The following SOX7 variants were observed in gnomAD, a reference collection of about 807,000 sequenced individuals.
SOX7 encodes the protein transcription factor SOX-7.
SOX7 carries 19 observed loss-of-function variants against 24.9 expected under a neutral mutation model. The ratio of observed to expected loss-of-function variants is 0.76; its 90% CI spans 0.53 to 1.12. SOX7 has a LOEUF of 1.12. Among genes scored for constraint, SOX7 ranks in the 50% most tolerant of loss-of-function variants. The pLI, the probability that SOX7 is intolerant of heterozygous loss-of-function variation, is 0.00. For missense variants in SOX7, 702 were observed against 535.0 expected (o/e 1.31, Z -3.08); for synonymous variants, 327 against 244.5 (o/e 1.34, Z -3.15).
intron 1 of SOX7, among the ~76,000 whole-genome samples, chr8:10,728,164 G>A (rs957042666): frequency 6.6e-6 from 1 of 152,206 alleles, no homozygotes; most frequent in Non-Finnish European, 1.5e-5. Flanking sequence ...TACTCTGTCT[G>A]TGGTCTCAAT....
chr8:10,729,755 G>C (rs6996056), intron 1 of SOX7: 80,172 of 152,548 alleles, frequency 0.53, 21,230 homozygotes, highest in Admixed American at 0.55. Context: ...CTTCCTCTGA[G>C]ATGGCCCAAT....
Position 10,726,586 on chromosome 8 carries a change from G to T in SOX7, c.319C>A (p.Gln107Lys). Residue 107 changes from glutamine to lysine, a missense_variant, in exon 2 of 2, where the codon CAG becomes AAG. Coordinates refer to ENST00000304501, the MANE Select transcript of SOX7 (RefSeq NM_031439.4). The stretch of plus-strand genomic sequence containing the variant: ...CGGTACTTGTAGTTGGGGTAGTCCT[G>T]CATGTGCTGCAGGCGCAGCCGCTCC... ...EAERLRLQHM[Q>K]DYPNYKYRPR... 6.2e-7 allele frequency: 1 copy of T among 1,610,432 alleles called. No individual in the cohort carries two copies. Among genetic ancestry groups the T allele is most frequent in the Non-Finnish European group, 8.5e-7 (1 of 1,179,854 alleles).
chr8:10,730,184 G>A lies in SOX7; in HGVS notation c.238+12C>T, dbSNP rs1446539990. The A allele has an allele frequency of 4.2e-6, 6 of 1,434,560 alleles. No homozygotes were observed. The highest frequency in any genetic ancestry group is 5.5e-6 in the Non-Finnish European group (6 of 1,081,334). The allele number at this position is 1,434,560 out of a possible 1,614,324, so 88.9% of individuals were successfully genotyped here. A position where few individuals can be genotyped will look rare whatever the true frequency, so the allele number is the denominator to read the frequency against. On this transcript the variant is annotated intron_variant, in intron 1 of 1. Transcript: ENST00000304501. The surrounding 1 kb of genome is among the most constrained non-coding windows in gnomAD (Gnocchi z 4.8). ...CCCGGCCCCCAGCCCGCTCGGCCGCGCGCTCACTCACCCAGCATCTTGCTG... is the reference window on the plus strand; with the variant it reads ...CCCGGCCCCCAGCCCGCTCGGCCGCACGCTCACTCACCCAGCATCTTGCTG...
chr8:10,728,506 C>T (rs966067657), intron 1 of SOX7, among the ~76,000 whole-genome samples: 6 of 152,226 alleles, frequency 3.9e-5, no homozygotes, highest in African/African-American at 2.4e-5. Flanking sequence ...ACCAGTGTTG[C>T]GGTTTCCCTC....
Position 10,725,662 on chromosome 8 carries a change from G to T in SOX7, c.*76C>A. The T allele has an allele frequency of 6.6e-7, 1 of 1,508,160 alleles. No individual in the cohort carries two copies. The highest frequency in any genetic ancestry group is 9.1e-7 in the Non-Finnish European group (1 of 1,097,456). The allele number at this position is 1,508,160 out of a possible 1,614,324, so 93.4% of individuals were successfully genotyped here. A position where few individuals can be genotyped will look rare whatever the true frequency, so the allele number is the denominator to read the frequency against. On this transcript the variant is annotated 3_prime_UTR_variant, in exon 2 of 2. Coordinates refer to ENST00000304501, the MANE Select transcript of SOX7 (RefSeq NM_031439.4). Reference sequence around the variant, plus strand: ...GAGCGGTGGGAGGAAAGCTGGTGTGGCTGGACGGCTCCTCTGCCACTCAAG... The same window carrying T: ...GAGCGGTGGGAGGAAAGCTGGTGTGTCTGGACGGCTCCTCTGCCACTCAAG...
rs768027133 is a variant in SOX7, at chr8:10,730,331, G to C, written c.103C>G (p.Pro35Ala). The change falls in exon 1 of 2, where the codon CCC becomes GCC. Residue 35 changes from proline to alanine, a missense_variant. Physicochemically the swap from Pro to Ala is conservative, Grantham distance 27. Transcript: ENST00000304501. This position sits in a 1 kb window ranked among gnomAD's most constrained non-coding sequence, Gnocchi z 4.8. ...CTCTCGGAGCCCTTGTCCCCCGGGG[G>C]CCGGGGGACGGCCGGCGGCGATTGT... Reference protein sequence around the residue: ...DGQSPPAVPRPPGDKGSESRI... With the variant: ...DGQSPPAVPRAPGDKGSESRI... 6.4e-7 allele frequency: 1 copy of C among 1,568,266 alleles called. No individual in the cohort carries two copies. The highest frequency in any genetic ancestry group is 2.5e-5 in the East Asian group (1 of 40,174).
chr8:10,725,878 C>G lies in SOX7; in HGVS notation c.1027G>C (p.Asp343His), dbSNP rs1401705954. 1.2e-6 allele frequency: 2 copies of G among 1,614,212 alleles called. No homozygotes were observed. Among genetic ancestry groups the G allele is most frequent in the Admixed American group, 3.3e-5 (2 of 60,028 alleles). Residue 343 changes from aspartate to histidine, a missense_variant, in exon 2 of 2, where the codon GAC becomes CAC. Physicochemically the swap from Asp to His is moderately conservative, Grantham distance 81. Coordinates refer to ENST00000304501, the MANE Select transcript of SOX7 (RefSeq NM_031439.4). ...AGGGCCATGGCCCCTGTGGCGGAGT[C>G]TGGGTGGCCAGGAGTGTTCAAATAC... ...DQYLNTPGHPDSATGAMALSG... is the reference protein window; with the variant it reads ...DQYLNTPGHPHSATGAMALSG...
chr8:10,728,394 C>T (rs1800195983), intron 1 of SOX7, among the ~76,000 whole-genome samples: 1 of 152,172 alleles, frequency 6.6e-6, no homozygotes, highest in South Asian at 2.1e-4. Flanking sequence ...CTTTTCCTCT[C>T]AGGTCAGAAA....
rs938216170 is a variant in SOX7, at chr8:10,724,003, T to A, written c.*1735A>T. ...AAAGTAATAGCATAAAGAGTAATCA[T>A]ACCTTATAAGTGATTTTACAATAGG... On this transcript the variant is annotated 3_prime_UTR_variant, in exon 2 of 2. Transcript: ENST00000304501. 28 of 152,438 alleles carry A rather than the reference T, an allele frequency of 1.8e-4. No individual in the cohort carries two copies. The highest frequency in any genetic ancestry group is 6.8e-4 in the African/African-American group (28 of 41,458). 9.4% of individuals were successfully genotyped at this position (152,438 alleles called of 1,614,324 possible). A position where few individuals can be genotyped will look rare whatever the true frequency, so the allele number is the denominator to read the frequency against.
In SOX7 at chr8:10,726,570, T is replaced by C; in HGVS notation, c.335A>G (p.Tyr112Cys). The stretch of plus-strand genomic sequence containing the variant: ...CTTCTTCCTGCGCGGCCGGTACTTG[T>C]AGTTGGGGTAGTCCTGCATGTGCTG... Reference protein sequence around the residue: ...RLQHMQDYPNYKYRPRRKKQA... With the variant: ...RLQHMQDYPNCKYRPRRKKQA... Residue 112 changes from tyrosine to cysteine, a missense_variant, in exon 2 of 2, where the codon TAC becomes TGC. Transcript: ENST00000304501. 3 of 1,611,456 alleles carry C rather than the reference T, an allele frequency of 1.9e-6. No homozygotes were observed. The highest frequency in any genetic ancestry group is 2.5e-6 in the Non-Finnish European group (3 of 1,179,944).
chr8:10,729,319 G>A (rs1259724247), intron 1 of SOX7: 1 of 152,292 alleles, frequency 6.6e-6, no homozygotes, highest in Non-Finnish European at 1.5e-5. Context: ...GTCTCCCGCT[G>A]CGTGCACCAA....
intron 1 of SOX7, among the ~76,000 whole-genome samples, chr8:10,727,361 C>A (rs956163099): frequency 1.3e-5 from 2 of 152,310 alleles, no homozygotes; most frequent in South Asian, 2.1e-4. Context: ...CATATACATG[C>A]AAACCGTCAC....
chr8:10,727,073 T>G (rs76670142), intron 1 of SOX7, among the ~76,000 whole-genome samples: 2,323 of 152,322 alleles, frequency 0.015, 76 homozygotes, highest in African/African-American at 0.052. Context: ...AACATTTGTG[T>G]ATTCTCATGA....
intron 1 of SOX7, among the ~76,000 whole-genome samples, chr8:10,727,865 A>C (rs1280638385): frequency 6.6e-6 from 1 of 152,248 alleles, no homozygotes; most frequent in Non-Finnish European, 1.5e-5. Flanking sequence ...CACATTCTGC[A>C]CAGGGCCAGG....
Position 10,723,878 on chromosome 8 carries a change from G to A in SOX7, c.*1860C>T, listed in dbSNP as rs148130966. On this transcript the variant is annotated 3_prime_UTR_variant, in exon 2 of 2. Coordinates refer to ENST00000304501, the MANE Select transcript of SOX7 (RefSeq NM_031439.4). Reference sequence around the variant, plus strand: ...AAAAAACGAAACAGTTTAGCTTAATGTCTGTGATACTGTTTTATGAGATTA... The same window carrying A: ...AAAAAACGAAACAGTTTAGCTTAATATCTGTGATACTGTTTTATGAGATTA... The A allele has an allele frequency of 1.4e-3, 217 of 152,730 alleles. 3 individuals carry two copies. Among genetic ancestry groups the A allele is most frequent in the South Asian group, 1.5e-3 (7 of 4,826 alleles). 9.5% of individuals were successfully genotyped at this position (152,730 alleles called of 1,614,324 possible).
At chr8:10,728,948 T>C (rs1800207603) in intron 1 of SOX7, among the ~76,000 whole-genome samples, 1 of 152,390 alleles carries the variant, frequency 6.6e-6, no homozygotes, top group African/African-American at 2.4e-5. Context: ...CATTTGTCTT[T>C]ATGCCAACAC....
At chr8:10,727,274 T>C (rs1800173831) in intron 1 of SOX7, among the ~76,000 whole-genome samples, 1 of 152,218 alleles carries the variant, frequency 6.6e-6, no homozygotes, top group Non-Finnish European at 1.5e-5. Flanking sequence ...AATAGAACCC[T>C]GCTGGATGAC....
chr8:10,724,569 G>C lies in SOX7; in HGVS notation c.*1169C>G, dbSNP rs1800104644. ...TTGCTTGGTTGCAAAGTCCTTTTAG[G>C]TACCCTGGGTCTTTGGTCATTAGAA... On this transcript the variant is annotated 3_prime_UTR_variant, in exon 2 of 2. Coordinates refer to ENST00000304501, the MANE Select transcript of SOX7 (RefSeq NM_031439.4). 1.3e-5 allele frequency: 2 copies of C among 152,150 alleles called. No individual in the cohort carries two copies. Among genetic ancestry groups the C allele is most frequent in the South Asian group, 2.1e-4 (1 of 4,824 alleles). 9.4% of individuals were successfully genotyped at this position (152,150 alleles called of 1,614,324 possible).
At chr8:10,728,576 G>A (rs1800199090) in intron 1 of SOX7, among the ~76,000 whole-genome samples, 1 of 152,238 alleles carries the variant, frequency 6.6e-6, no homozygotes, top group Admixed American at 6.5e-5. Context: ...TCTGCAGAAT[G>A]AACTGTAACC....
Sources: allele counts gnomAD v4.1 joint callset (sites outside exome capture counted in the v4.1 genomes callset), GRCh38; gene constraint gnomAD v4.1.1; non-coding constraint Gnocchi (gnomAD v3.1); transcripts MANE v1.5; gene names NCBI Gene and HGNC (gene_info 2026-07-23, HGNC 2026-07-21).